Variants in MGAT4C observed in about 807,000 individuals in gnomAD.
MGAT4C encodes alpha-1,3-mannosyl-glycoprotein 4-beta-N-acetylglucosaminyltransferase C.
A neutral mutation model predicts 40.1 loss-of-function variants in MGAT4C; 19 were observed. That is an observed-to-expected ratio of 0.47 (90% CI 0.33 to 0.70). MGAT4C has a LOEUF of 0.70. MGAT4C is among the 30% of genes least tolerant of loss of function. MGAT4C has a pLI of 0.02. For missense variants in MGAT4C, 491 were observed against 563.2 expected, an observed-to-expected ratio of 0.87 and a Z score of 1.30; for synonymous variants, 181 against 187.1, an observed-to-expected ratio of 0.97 and a Z score of 0.27.
intron 2 of MGAT4C, among the ~76,000 whole-genome samples, chr12:86,044,872 T>C (rs1892232203): frequency 6.6e-6 from 1 of 152,134 alleles, no homozygotes; most frequent in Non-Finnish European, 1.5e-5. Flanking sequence ...ATCAACTCTC[T>C]ACACAGCTTT....
intron 2 of MGAT4C, among the ~76,000 whole-genome samples, chr12:86,661,943 T>C (rs1322472057): frequency 6.6e-6 from 1 of 151,932 alleles, no homozygotes; most frequent in Non-Finnish European, 1.5e-5. Context: ...TCTAAAAAAA[T>C]CTTAATAATA....
Position 86,587,399 on chromosome 12 carries a change from T to G in MGAT4C, c.-229+139810A>C, listed in dbSNP as rs1487171347. Among the ~76,000 whole-genome samples the G allele has an allele frequency of 3.3e-5, 5 of 152,292 alleles. No homozygotes were observed. The South Asian group carries it at 6.2e-4, about 19-fold the overall frequency. On this transcript the variant is annotated intron_variant, in intron 2 of 7. Transcript: ENST00000548651. ...AGTCAGGTAGTGTGATGCCTCCAGC[T>G]TTGTTCTTTTGGCTTAGGATTGACT...
chr12:86,305,768 G>A (rs1050399571), intron 4 of MGAT4C, among the ~76,000 whole-genome samples: 1 of 150,076 alleles, frequency 6.7e-6, no homozygotes, highest in African/African-American at 2.5e-5. Flanking sequence ...TATGTAAATA[G>A]TTTCTATGCT....
In MGAT4C at chr12:86,493,167, G is replaced by A. The variant is rs535894881; in HGVS notation, c.-228-57902C>T. On this transcript the variant is annotated intron_variant, in intron 2 of 7. Coordinates refer to the MGAT4C transcript ENST00000548651. ...AAACAACAGGTGCTGTAGAGGATGT[G>A]GAGAAATAGGAACACTTTTACACTG... 3.4e-3 allele frequency among the ~76,000 whole-genome samples: 508 copies of A among 150,774 alleles called. 46 individuals carry two copies. The highest frequency in any genetic ancestry group is 0.012 in the African/African-American group (486 of 40,100).
intron 2 of MGAT4C, among the ~76,000 whole-genome samples, chr12:86,506,103 T>C (rs1958468574): frequency 6.6e-6 from 1 of 152,130 alleles, no homozygotes; most frequent in South Asian, 2.1e-4. Context: ...AGTGAAAGGT[T>C]AGGAGTTTTG....
At chr12:86,490,512 C>G (rs1457799441) in intron 2 of MGAT4C, among the ~76,000 whole-genome samples, 2 of 151,818 alleles carry the variant, frequency 1.3e-5, no homozygotes, top group Non-Finnish European at 2.9e-5. Context: ...GAAACTGCAT[C>G]AATTAATGAG....
At chr12:86,474,539 G>T (rs746781504) in intron 2 of MGAT4C, among the ~76,000 whole-genome samples, 1 of 151,644 alleles carries the variant, frequency 6.6e-6, no homozygotes, top group Admixed American at 6.6e-5. Context: ...TAAAAGAAAG[G>T]AACAGAAATG....
chr12:86,152,239 T>A (rs1884377685), intron 1 of MGAT4C, among the ~76,000 whole-genome samples: 1 of 152,196 alleles, frequency 6.6e-6, no homozygotes, highest in African/African-American at 2.4e-5. Context: ...CTGAATAGTT[T>A]ATAAAACCAG....
intron 2 of MGAT4C, among the ~76,000 whole-genome samples, chr12:86,664,132 A>AT (rs201296651): frequency 0.01 from 1,485 of 145,462 alleles, 14 homozygotes; most frequent in East Asian, 0.051. Flanking sequence ...TGCACAGTCA[A>AT]TTTTTTTTTT....
intron 2 of MGAT4C, among the ~76,000 whole-genome samples, chr12:85,997,437 C>T (rs1012820106): frequency 2.0e-5 from 3 of 152,230 alleles, no homozygotes; most frequent in African/African-American, 4.8e-5. Flanking sequence ...AGTCTAAACT[C>T]GTTTCAGCAT....
At chr12:86,743,299 T>G (rs1951103092) in intron 1 of MGAT4C, among the ~76,000 whole-genome samples, 4 of 151,584 alleles carry the variant, frequency 2.6e-5, no homozygotes, top group African/African-American at 9.7e-5. Context: ...ACATTAGAGA[T>G]AGATTATATA....
chr12:86,175,701 C>A (rs1887335021), intron 1 of MGAT4C, among the ~76,000 whole-genome samples: 1 of 150,250 alleles, frequency 6.7e-6, no homozygotes, highest in South Asian at 2.1e-4. Context: ...CCTGTAATCC[C>A]AGCACTTTGG....
At chr12:86,467,032 T>C (rs1053993169) in intron 2 of MGAT4C, among the ~76,000 whole-genome samples, 2 of 152,172 alleles carry the variant, frequency 1.3e-5, no homozygotes, top group East Asian at 1.9e-4. Context: ...CTATAGTTAA[T>C]GCATCTCAAG....
At chr12:86,330,024 T>C (rs1285080188) in intron 4 of MGAT4C, among the ~76,000 whole-genome samples, 2 of 152,232 alleles carry the variant, frequency 1.3e-5, no homozygotes, top group African/African-American at 4.8e-5. Context: ...TTCCATGTCA[T>C]AGGACACAGG....
In MGAT4C at chr12:86,110,296, CTCTCTA is replaced by C. The variant is rs1360365770; in HGVS notation, c.-56-60579_-56-60574del. On this transcript the variant is annotated intron_variant, in intron 1 of 4. Coordinates refer to ENST00000611864, the MANE Select transcript of MGAT4C (RefSeq NM_001351288.2). Reference sequence around the variant, plus strand: ...TATATATAGTCTATATATATATAGTCTCTCTATATATATATATATATAGTCTCTCTC... The same window carrying C: ...TATATATAGTCTATATATATATAGTCTATATATATATATATAGTCTCTCTC... 3.9e-3 allele frequency among the ~76,000 whole-genome samples: 73 copies of C among 18,838 alleles called. 5 individuals carry two copies. The highest frequency in any genetic ancestry group is 0.011 in the African/African-American group (48 of 4,484). The allele number at this position is 18,838 out of a possible 152,430, so 12.4% of individuals were successfully genotyped here. A position where few individuals can be genotyped will look rare whatever the true frequency, so the allele number is the denominator to read the frequency against.
At chr12:86,102,974 T>C (rs1487382377) in intron 1 of MGAT4C, among the ~76,000 whole-genome samples, 2 of 152,188 alleles carry the variant, frequency 1.3e-5, no homozygotes, top group Admixed American at 1.3e-4. Context: ...AGGGCAAATA[T>C]AATAAAGTAT....
chr12:86,318,107 G>T (rs143569608), intron 4 of MGAT4C, among the ~76,000 whole-genome samples: 54 of 152,110 alleles, frequency 3.6e-4, no homozygotes, highest in African/African-American at 1.3e-3. Flanking sequence ...AAAGAAGCTG[G>T]AAGTACATAA....
At chr12:86,817,982 C>G (rs1191953496) in intron 1 of MGAT4C, among the ~76,000 whole-genome samples, 1 of 151,344 alleles carries the variant, frequency 6.6e-6, no homozygotes, top group Non-Finnish European at 1.5e-5. Context: ...ATAAATATAA[C>G]TTACCTGAAG....
Position 86,294,332 on chromosome 12 carries a change from G to C in MGAT4C, c.-57+39733C>G, listed in dbSNP as rs370160387. Among the ~76,000 whole-genome samples the C allele has an allele frequency of 1.1e-4, 16 of 149,696 alleles. No homozygotes were observed. The East Asian group carries it at 3.0e-3, about 28-fold the overall frequency. Reference sequence around the variant, plus strand: ...TTCCTAGCTTTCGTCTATCATGGGGGAAAAGGTGTTATTCACACTCACTAA... The same window carrying C: ...TTCCTAGCTTTCGTCTATCATGGGGCAAAAGGTGTTATTCACACTCACTAA... On this transcript the variant is annotated intron_variant, in intron 4 of 7. Coordinates refer to the MGAT4C transcript ENST00000548651.
Sources: gnomAD v4.1 joint callset for allele counts (sites outside exome capture counted in the v4.1 genomes callset) on GRCh38, gnomAD v4.1.1 for gene constraint, MANE v1.5 for transcripts, NCBI Gene and HGNC (gene_info 2026-07-23, HGNC 2026-07-21) for gene names.